C8orf34: variants seen among roughly 807,000 people sequenced by gnomAD.
C8orf34 encodes chromosome 8 open reading frame 34.
C8orf34 carries 65 observed loss-of-function variants against 68.3 expected under a neutral mutation model. That is an observed-to-expected ratio of 0.95 (90% CI 0.78 to 1.17). The LOEUF is 1.17. C8orf34 is among the 50% of genes most tolerant of loss of function. C8orf34 has a pLI of 0.00. For missense variants in C8orf34, 664 were observed against 655.4 expected, an observed-to-expected ratio of 1.01 and a Z score of -0.14; for synonymous variants, 244 against 241.2, an observed-to-expected ratio of 1.01 and a Z score of -0.11.
intron 12 of C8orf34, among the ~76,000 whole-genome samples, chr8:68,796,468 C>T (rs933063092): frequency 1.3e-5 from 2 of 151,020 alleles, no homozygotes; most frequent in African/African-American, 4.9e-5. Flanking sequence ...AAATCTGCCT[C>T]TTTGGGCCCT....
intron 9 of C8orf34, among the ~76,000 whole-genome samples, chr8:68,711,371 G>A (rs1821325341): frequency 6.6e-6 from 1 of 152,096 alleles, no homozygotes; most frequent in Non-Finnish European, 1.5e-5. Flanking sequence ...AGCTAATTAA[G>A]CAGGCATCAC....
In C8orf34 at chr8:68,533,713, C is replaced by A. The variant is rs1815346974; in HGVS notation, c.1105+564C>A. 11 of 950,948 alleles carry A rather than the reference C, an allele frequency of 1.2e-5. No individual in the cohort carries two copies. The South Asian group carries it at 5.3e-4, about 46-fold the overall frequency. The allele number at this position is 950,948 out of a possible 1,614,324, so 58.9% of individuals were successfully genotyped here. Reference sequence around the variant, plus strand: ...TATTAATCTTGTATATGTAGGATATCTTTTTATATTTTTTAATGTAGTATA... The same window carrying A: ...TATTAATCTTGTATATGTAGGATATATTTTTATATTTTTTAATGTAGTATA... On this transcript the variant is annotated intron_variant, in intron 7 of 13. Coordinates refer to ENST00000518698, the MANE Select transcript of C8orf34 (RefSeq NM_052958.4).
chr8:68,467,636 C>A (rs1740759605), intron 3 of C8orf34, among the ~76,000 whole-genome samples: 1 of 151,838 alleles, frequency 6.6e-6, no homozygotes, highest in Non-Finnish European at 1.5e-5. Context: ...CCAAGTCTTG[C>A]CATTTTTTGA....
At chr8:68,448,344 T>C (rs182552346) in intron 3 of C8orf34, among the ~76,000 whole-genome samples, 3 of 151,378 alleles carry the variant, frequency 2.0e-5, no homozygotes, top group Non-Finnish European at 4.4e-5. Flanking sequence ...TAAAATAGCA[T>C]ACTTTTTTTT....
At chr8:68,536,744 TC>T (rs1815493616) in intron 7 of C8orf34, among the ~76,000 whole-genome samples, 2 of 152,094 alleles carry the variant, frequency 1.3e-5, no homozygotes, top group Non-Finnish European at 2.9e-5. Flanking sequence ...AAAATCAAAT[TC>T]CAAAGATGCT....
chr8:68,445,266 G>A (rs1811074582), intron 2 of C8orf34, among the ~76,000 whole-genome samples: 1 of 152,094 alleles, frequency 6.6e-6, no homozygotes, highest in East Asian at 1.9e-4. Context: ...TAAGTGAGTA[G>A]CCAGAGAAAA....
At chr8:68,332,031 A>T (rs1337205671) in intron 1 of C8orf34, among the ~76,000 whole-genome samples, 2 of 151,200 alleles carry the variant, frequency 1.3e-5, no homozygotes, top group Non-Finnish European at 2.9e-5. Context: ...GGGACGGAGA[A>T]AGGTTCTGAA....
chr8:68,799,533 A>C (rs1370642940), intron 12 of C8orf34, among the ~76,000 whole-genome samples: 1 of 152,144 alleles, frequency 6.6e-6, no homozygotes, highest in Non-Finnish European at 1.5e-5. Context: ...TCCTCAAATT[A>C]AACAGATCTG....
At chr8:68,792,224 A>C (rs2129529179) in intron 12 of C8orf34, 1 of 152,314 alleles carries the variant, frequency 6.6e-6, no homozygotes, top group South Asian at 2.1e-4. Context: ...AATGATGAGA[A>C]AGGAAAGAAA....
intron 8 of C8orf34, among the ~76,000 whole-genome samples, chr8:68,672,757 G>C (rs889415137): frequency 1.3e-5 from 2 of 152,162 alleles, no homozygotes; most frequent in Admixed American, 6.5e-5. Context: ...GTGGACTTGG[G>C]GGGCATGCAA....
chr8:68,731,011 A>G (rs1229336345), intron 10 of C8orf34, among the ~76,000 whole-genome samples: 1 of 152,190 alleles, frequency 6.6e-6, no homozygotes, highest in Admixed American at 6.5e-5. Flanking sequence ...GCTGAAGAGA[A>G]AAAAAGTAAT....
At chr8:68,409,154 C>A (rs1207669486) in intron 1 of C8orf34, among the ~76,000 whole-genome samples, 2 of 152,160 alleles carry the variant, frequency 1.3e-5, no homozygotes, top group African/African-American at 4.8e-5. Context: ...TGATAATGAT[C>A]ATAAATGGCT....
chr8:68,645,550 TTTTG>T (rs1477604839), intron 8 of C8orf34, among the ~76,000 whole-genome samples: 6 of 152,234 alleles, frequency 3.9e-5, no homozygotes, highest in Non-Finnish European at 7.4e-5. Flanking sequence ...GTGGCAATGT[TTTTG>T]TTTGTTTGTT....
chr8:68,550,771 G>C (rs370427360), intron 7 of C8orf34, among the ~76,000 whole-genome samples: 15 of 149,816 alleles, frequency 1.0e-4, no homozygotes, highest in African/African-American at 3.4e-4. Context: ...TGGTGTTTTT[G>C]TGTTTTTTTT....
At chr8:68,603,711 C>A (rs554095888) in intron 7 of C8orf34, among the ~76,000 whole-genome samples, 2 of 151,596 alleles carry the variant, frequency 1.3e-5, no homozygotes, top group African/African-American at 4.8e-5. Context: ...AATCTGTGGA[C>A]GAAAAAAACC....
At chr8:68,352,895 G>C (rs1405564141) in intron 1 of C8orf34, among the ~76,000 whole-genome samples, 1 of 152,082 alleles carries the variant, frequency 6.6e-6, no homozygotes, top group African/African-American at 2.4e-5. Context: ...ACAAATAGCT[G>C]TTAAAAAGAA....
rs183974650 is a variant in C8orf34, at chr8:68,785,321, A to T, written c.1456-2122A>T. On this transcript the variant is annotated intron_variant, in intron 11 of 13. Coordinates refer to ENST00000518698, the MANE Select transcript of C8orf34 (RefSeq NM_052958.4). The stretch of plus-strand genomic sequence containing the variant: ...ATACCGACGTCTTTAACTCTAATAC[A>T]TTATGCACGGATCATTCCAGTCTCT... Among the ~76,000 whole-genome samples, 29 of 152,344 alleles carry T rather than the reference A, an allele frequency of 1.9e-4. No individual in the cohort carries two copies. The East Asian group carries it at 4.4e-3, about 23-fold the overall frequency.
At chr8:68,701,808 C>G (rs962418074) in intron 8 of C8orf34, among the ~76,000 whole-genome samples, 20 of 152,124 alleles carry the variant, frequency 1.3e-4, no homozygotes, top group African/African-American at 4.6e-4. Context: ...ATGGCATATT[C>G]TCCCATTCCT....
At chr8:68,736,719 A>G (rs1312531585) in intron 10 of C8orf34, among the ~76,000 whole-genome samples, 5 of 152,220 alleles carry the variant, frequency 3.3e-5, no homozygotes, top group African/African-American at 1.2e-4. Flanking sequence ...TGAAGGAGGA[A>G]AAATCATCCT....
Sources: gnomAD v4.1 joint callset for allele counts (sites outside exome capture counted in the v4.1 genomes callset) on GRCh38, gnomAD v4.1.1 for gene constraint, MANE v1.5 for transcripts, NCBI Gene and HGNC (gene_info 2026-07-23, HGNC 2026-07-21) for gene names.